Variants in PAICS observed in about 807,000 individuals in gnomAD.
PAICS encodes the protein bifunctional phosphoribosylaminoimidazole carboxylase/phosphoribosylaminoimidazole succinocarboxamide synthetase.
PAICS carries 33 observed loss-of-function variants against 53.7 expected under a neutral mutation model. The observed-to-expected ratio is 0.61, with a 90% CI of 0.47 to 0.82. PAICS has a LOEUF of 0.82. PAICS is among the 40% of genes least tolerant of loss of function. The pLI is 0.00. For synonymous variants in PAICS, 141 were observed against 167.2 expected, an observed-to-expected ratio of 0.84 and a Z score of 1.21; for missense variants, 394 against 494.1, an observed-to-expected ratio of 0.80 and a Z score of 1.92.
chr4:56,438,768 T>A (rs1331651045), intron 1 of PAICS, among the ~76,000 whole-genome samples: 1 of 152,144 alleles, frequency 6.6e-6, no homozygotes, highest in African/African-American at 2.4e-5. Context: ...ACAAAATACA[T>A]TTCAACATGG....
At chr4:56,416,386 T>C in the PAICS span, 1 of 907,968 alleles carries the variant, frequency 1.1e-6, no homozygotes, top group Non-Finnish European at 1.3e-6. Flanking sequence ...ATAAGGAAGA[T>C]GTCTCAGGAA....
At chr4:56,416,691 G>T in the PAICS span, among the ~76,000 whole-genome samples, 6 of 152,266 alleles carry the variant, frequency 3.9e-5, no homozygotes, top group African/African-American at 1.4e-4. Flanking sequence ...GAAATCTGAT[G>T]GCTAAACTTA....
At chr4:56,429,178 TG>T in the PAICS span, among the ~76,000 whole-genome samples, 1 of 152,132 alleles carries the variant, frequency 6.6e-6, no homozygotes, top group Admixed American at 6.6e-5. Flanking sequence ...GCTCACTGAG[TG>T]AAAGTTCCTG....
the PAICS span, chr4:56,421,522 G>C: frequency 6.6e-6 from 1 of 152,340 alleles, no homozygotes; most frequent in East Asian, 1.9e-4. Flanking sequence ...AAATTGGGGG[G>C]TGTGGACAAG....
Position 56,464,070 on chromosome 4 carries a change from C to T in PAICS, c.*4532C>T, listed in dbSNP as rs1294966458. Reference sequence around the variant, plus strand: ...TTCAGACTAGGACTTAACGTTATTGCCTCCCCTGATTCTCAAGCCCTCGGG... The same window carrying T: ...TTCAGACTAGGACTTAACGTTATTGTCTCCCCTGATTCTCAAGCCCTCGGG... On this transcript the variant is annotated 3_prime_UTR_variant, in exon 9 of 9. Coordinates refer to ENST00000512576, the MANE Select transcript of PAICS (RefSeq NM_001079524.2). 1 of 152,194 alleles carries T rather than the reference C, an allele frequency of 6.6e-6. No individual in the cohort carries two copies. 9.4% of individuals were successfully genotyped at this position (152,194 alleles called of 1,614,324 possible).
At chr4:56,447,571 C>T (rs1476082398) in intron 3 of PAICS, among the ~76,000 whole-genome samples, 7 of 151,978 alleles carry the variant, frequency 4.6e-5, no homozygotes, top group Non-Finnish European at 7.4e-5. Context: ...GTTATGAGAA[C>T]GGTGGTTTTG....
At chr4:56,420,582 G>A in the PAICS span, 1 of 152,116 alleles carries the variant, frequency 6.6e-6, no homozygotes, top group African/African-American at 2.4e-5. Context: ...TATACAAAAA[G>A]GAGGAAATAA....
the PAICS span, among the ~76,000 whole-genome samples, chr4:56,418,998 G>A: frequency 1.1e-4 from 16 of 152,310 alleles, no homozygotes; most frequent in Admixed American, 5.2e-4. Flanking sequence ...TTCGCAAGGC[G>A]TAAGCACTGA....
At chr4:56,410,899 T>TAAAAAAAAAAA in the PAICS span, 1 of 676,424 alleles carries the variant, frequency 1.5e-6, no homozygotes, top group Non-Finnish European at 1.7e-6. Flanking sequence ...CCACTGAAGG[T>TAAAAAAAAAAA]AAAAAAAAAA....
upstream of PAICS, among the ~76,000 whole-genome samples, chr4:56,432,983 T>TAC (rs3986276): frequency 0.29 from 43,385 of 147,666 alleles, 6,971 homozygotes; most frequent in East Asian, 0.63. Flanking sequence ...CATATATACA[T>TAC]ACACACACGT....
the PAICS span, among the ~76,000 whole-genome samples, chr4:56,424,334 A>G: frequency 6.6e-6 from 1 of 152,024 alleles, no homozygotes; most frequent in East Asian, 1.9e-4. Flanking sequence ...GAGTCAGTTC[A>G]GGCACCCGTA....
At chr4:56,410,917 A>G in the PAICS span, 15 of 978,116 alleles carry the variant, frequency 1.5e-5, no homozygotes, top group African/African-American at 3.5e-5. Context: ...AAAAAAAAAA[A>G]AAAAAAAAAA....
At chr4:56,428,820 C>A in the PAICS span, 1 of 163,762 alleles carries the variant, frequency 6.1e-6, no homozygotes, top group Non-Finnish European at 1.3e-5. Flanking sequence ...ATTCTTAACT[C>A]ATTCTTTATT....
At chr4:56,436,077 G>A (rs1717919849), upstream of PAICS, 2 of 1,487,558 alleles carry the variant, frequency 1.3e-6, no homozygotes, top group Admixed American at 2.3e-5. Flanking sequence ...GCGGGGTCGC[G>A]TCTCTGCGCC....
chr4:56,453,747 T>C lies in PAICS; in HGVS notation c.1097T>C (p.Leu366Pro). The change falls in exon 8 of 9, where the codon CTT becomes CCT. Residue 366 changes from leucine (L) to proline (P), a missense_variant. Leu to Pro is a moderately conservative substitution (Grantham distance 98). Around this residue, in one of 3 missense-constraint regions of PAICS, gnomAD observed 95 missense variants for 89.3 expected, o/e 1.06. Coordinates refer to ENST00000512576, the MANE Select transcript of PAICS (RefSeq NM_001079524.2). ...DWGVQDVWSS[L>P]RLPSGLGCST... ...GGAGTTCAGGATGTGTGGTCTTCTCTTCGACTACCCAGTGGTAAGATACAT... is the reference window on the plus strand; with the variant it reads ...GGAGTTCAGGATGTGTGGTCTTCTCCTCGACTACCCAGTGGTAAGATACAT... 1 of 1,546,318 alleles carries C rather than the reference T, an allele frequency of 6.5e-7. No homozygotes were observed. Among genetic ancestry groups the C allele is most frequent in the Non-Finnish European group, 8.8e-7 (1 of 1,142,464 alleles).
At chr4:56,445,420 C>T (rs968781128) in intron 2 of PAICS, among the ~76,000 whole-genome samples, 1 of 152,016 alleles carries the variant, frequency 6.6e-6, no homozygotes. Flanking sequence ...AACCCTGTCT[C>T]TACTAAAAAT....
the PAICS span, chr4:56,410,929 GA>G: frequency 2.0e-5 from 8 of 391,684 alleles, no homozygotes; most frequent in African/African-American, 4.5e-5. Flanking sequence ...AAAAAAAAAA[GA>G]AAAGTACTCT....
the PAICS span, among the ~76,000 whole-genome samples, chr4:56,416,942 G>C: frequency 1.3e-5 from 2 of 152,008 alleles, no homozygotes; most frequent in Non-Finnish European, 2.9e-5. Context: ...CTCTGCCTCC[G>C]GGGTTCAAGC....
At chr4:56,427,711 T>C in the PAICS span, among the ~76,000 whole-genome samples, 1 of 151,830 alleles carries the variant, frequency 6.6e-6, no homozygotes, top group Admixed American at 6.6e-5. Flanking sequence ...GAATTTAAGA[T>C]GAGAGGAACT....
Sources: allele counts gnomAD v4.1 joint callset (sites outside exome capture counted in the v4.1 genomes callset), GRCh38; gene constraint gnomAD v4.1.1; regional missense constraint gnomAD v4.1.1; transcripts MANE v1.5; gene names NCBI Gene and HGNC (gene_info 2026-07-23, HGNC 2026-07-21).